Variants in AKAP12 observed in about 807,000 individuals in gnomAD.
AKAP12 encodes the protein A-kinase anchor protein 12.
AKAP12 carries 32 observed loss-of-function variants against 79.9 expected under a neutral mutation model. The observed-to-expected ratio is 0.40, with a 90% confidence interval of 0.30 to 0.54. The LOEUF (loss-of-function observed/expected upper bound fraction) is 0.54. Ranked by LOEUF, AKAP12 falls within the 20% of genes least tolerant of loss-of-function variation. The probability of loss-of-function intolerance (pLI) is 0.48; values close to 1 mark genes in which losing one functional copy is unlikely to be tolerated. For missense variants in AKAP12, 2,074 were observed against 2,177.0 expected, an observed-to-expected ratio of 0.95 and a Z score of 0.94; for synonymous variants, 808 against 857.0, an observed-to-expected ratio of 0.94 and a Z score of 1.00.
chr6:151,296,997 A>G (rs897074275), intron 2 of AKAP12, among the ~76,000 whole-genome samples: 10 of 147,464 alleles, frequency 6.8e-5, no homozygotes, highest in Non-Finnish European at 1.2e-4. Flanking sequence ...AATATATTGT[A>G]TGCCTAGGTT....
At chr6:151,344,137 G>A (rs1778023740) in intron 3 of AKAP12, among the ~76,000 whole-genome samples, 2 of 152,190 alleles carry the variant, frequency 1.3e-5, no homozygotes, top group Non-Finnish European at 2.9e-5. Flanking sequence ...ATGCGCCTCA[G>A]ATCAAAATAA....
chr6:151,342,626 A>G (rs1011749991), intron 3 of AKAP12, among the ~76,000 whole-genome samples: 5 of 152,226 alleles, frequency 3.3e-5, no homozygotes, highest in Non-Finnish European at 7.3e-5. Flanking sequence ...CTTATGTTAA[A>G]AGAGACTGCA....
Position 151,353,028 on chromosome 6 carries a change from G to C in AKAP12, c.4637G>C (p.Ser1546Thr), listed in dbSNP as rs769499925. The change falls in exon 4 of 5, where the codon AGC becomes ACC. Residue 1546 changes from serine to threonine, a missense_variant. By Grantham distance (58) the Ser-to-Thr change is moderately conservative. This residue lies in a region of AKAP12 where 614 missense variants were observed against 665.6 expected (regional missense o/e 0.92). Coordinates refer to ENST00000402676, the MANE Select transcript of AKAP12 (RefSeq NM_005100.4). ...ENGILELETK[S>T]SKLVQNIIQT... ...GGGATTTTGGAACTTGAGACCAAAA[G>C]CAGTAAACTTGTCCAAAACATCATC... is the stretch of plus-strand genomic sequence containing the variant. 4.3e-6 allele frequency: 7 copies of C among 1,614,080 alleles called. No individual in the cohort carries two copies. In the African/African-American group the frequency reaches 5.3e-5, roughly 12 times the overall value.
chr6:151,287,473 C>T (rs75127399), intron 2 of AKAP12, among the ~76,000 whole-genome samples: 1 of 152,140 alleles, frequency 6.6e-6, no homozygotes, highest in African/African-American at 2.4e-5. Flanking sequence ...GTTGCTCAGG[C>T]TAGTGTCTAA....
intron 2 of AKAP12, among the ~76,000 whole-genome samples, chr6:151,268,945 GTTT>G (rs558502756): frequency 5.4e-3 from 417 of 77,064 alleles, no homozygotes; most frequent in African/African-American, 0.012. Flanking sequence ...TGCTCGGCCT[GTTT>G]TTTTTTTTTT....
chr6:151,340,477 C>G (rs925031306), intron 3 of AKAP12, among the ~76,000 whole-genome samples: 1 of 152,058 alleles, frequency 6.6e-6, no homozygotes, highest in Non-Finnish European at 1.5e-5. Flanking sequence ...GAAAACAAAC[C>G]GCAGACTGTC....
intron 2 of AKAP12, among the ~76,000 whole-genome samples, chr6:151,247,219 A>G (rs1385897571): frequency 2.0e-5 from 3 of 152,094 alleles, no homozygotes; most frequent in African/African-American, 7.2e-5. Context: ...TGGGCAACAT[A>G]GCAAGACCCC....
At chr6:151,305,173 T>TG (rs1776952115) in intron 2 of AKAP12, among the ~76,000 whole-genome samples, 1 of 151,500 alleles carries the variant, frequency 6.6e-6, no homozygotes, top group South Asian at 2.1e-4. Flanking sequence ...AGGGCTGTTT[T>TG]TTTTTTTTTT....
At chr6:151,267,083 A>G (rs1229669527) in intron 2 of AKAP12, among the ~76,000 whole-genome samples, 1 of 147,248 alleles carries the variant, frequency 6.8e-6, no homozygotes, top group Non-Finnish European at 1.5e-5. Context: ...ATAGGGTTTT[A>G]GATTGTTTCA....
chr6:151,306,001 G>C, intron 3 of AKAP12, 98 bp downstream of exon 3: 1 of 1,290,540 alleles, frequency 7.7e-7, no homozygotes, highest in Non-Finnish European at 1.1e-6. Flanking sequence ...TGGTGGATTG[G>C]TGTTAACAGC....
intron 3 of AKAP12, among the ~76,000 whole-genome samples, chr6:151,329,885 G>T (rs1777623923): frequency 6.6e-6 from 1 of 152,154 alleles, no homozygotes; most frequent in Admixed American, 6.5e-5. Context: ...ATTACCCAAG[G>T]TTTCACAGCT....
At chr6:151,323,955 A>ATG (rs1227286302) in intron 3 of AKAP12, 1 of 985,212 alleles carries the variant, frequency 1.0e-6, no homozygotes, top group Admixed American at 6.2e-5. Context: ...GGACTTATTA[A>ATG]TGTAGACCCT....
At chr6:151,245,628 G>T (rs1361062078) in intron 2 of AKAP12, among the ~76,000 whole-genome samples, 2 of 137,392 alleles carry the variant, frequency 1.5e-5, no homozygotes, top group Non-Finnish European at 3.0e-5. Context: ...CTGCAGTCCA[G>T]CCTGGGCGAC....
intron 3 of AKAP12, among the ~76,000 whole-genome samples, chr6:151,345,277 G>A (rs1162956452): frequency 6.6e-6 from 1 of 150,956 alleles, no homozygotes; most frequent in Non-Finnish European, 1.5e-5. Context: ...GGGTTTCACC[G>A]TGTTAGCCAG....
At chr6:151,250,302 A>G (rs1289838028) in intron 2 of AKAP12, among the ~76,000 whole-genome samples, 1 of 151,614 alleles carries the variant, frequency 6.6e-6, no homozygotes, top group East Asian at 2.0e-4. Flanking sequence ...GTTTGAGACC[A>G]GTCTGACCAA....
chr6:151,310,117 C>G (rs1777060590), intron 3 of AKAP12, among the ~76,000 whole-genome samples: 1 of 152,138 alleles, frequency 6.6e-6, no homozygotes, highest in Non-Finnish European at 1.5e-5. Flanking sequence ...AATCCCAGCA[C>G]TTTGGGGGGC....
At chr6:151,256,271 T>C (rs1172118531) in intron 2 of AKAP12, among the ~76,000 whole-genome samples, 2 of 152,180 alleles carry the variant, frequency 1.3e-5, no homozygotes, top group African/African-American at 2.4e-5. Context: ...GTTAATATTA[T>C]TAATTATTAA....
At chr6:151,299,658 CAT>C (rs1449443877) in intron 2 of AKAP12, among the ~76,000 whole-genome samples, 7 of 152,264 alleles carry the variant, frequency 4.6e-5, no homozygotes, top group African/African-American at 1.4e-4. Flanking sequence ...CATCTTCACA[CAT>C]GAGTGTGTCT....
At chr6:151,318,812 G>T (rs547854655) in intron 3 of AKAP12, among the ~76,000 whole-genome samples, 8 of 152,162 alleles carry the variant, frequency 5.3e-5, no homozygotes, top group African/African-American at 1.9e-4. Context: ...GTGTGGTGTT[G>T]CATGCCTGTA....
Sources: gnomAD v4.1 joint callset for allele counts (sites outside exome capture counted in the v4.1 genomes callset) on GRCh38, gnomAD v4.1.1 for gene constraint, gnomAD v4.1.1 regional missense constraint, MANE v1.5 for transcripts, NCBI Gene and HGNC (gene_info 2026-07-23, HGNC 2026-07-21) for gene names.